Variants in SRBD1 observed in about 807,000 individuals in gnomAD.
The protein encoded by SRBD1 is S1 RNA binding domain 1.
In SRBD1, 88 loss-of-function variants were observed where a neutral mutation model predicts 115.3. The observed-to-expected ratio is 0.76, with a 90% confidence interval of 0.64 to 0.91. The LOEUF (loss-of-function observed/expected upper bound fraction) is 0.91, where lower values mean the gene tolerates loss of function less well. Among genes scored for constraint, SRBD1 ranks in the 40% least tolerant of loss-of-function variants. SRBD1 has a pLI of 0.00. For missense variants in SRBD1, 1,385 were observed against 1,177.4 expected, an observed-to-expected ratio of 1.18 and a Z score of -2.58; for synonymous variants, 509 against 407.7, an observed-to-expected ratio of 1.25 and a Z score of -2.99.
chr2:45,416,761 T>A (rs557542348), intron 18 of SRBD1, among the ~76,000 whole-genome samples: 4 of 152,110 alleles, frequency 2.6e-5, no homozygotes, highest in African/African-American at 9.6e-5. Context: ...ATACTGTGAG[T>A]TTTTTGGTGT....
rs1673294874 is a variant in SRBD1, at chr2:45,579,905, G to C, written c.1042C>G (p.Leu348Val). The C allele has an allele frequency of 1.2e-6, 2 of 1,607,960 alleles. No individual in the cohort carries two copies. The highest frequency in any genetic ancestry group is 3.4e-5 in the Admixed American group (2 of 58,796). ...ALLEKPGELS[L>V]LSYIRPDVKG... ...ACGTCAGGCCTAATGTACGATAGCA[G>C]ACTGAGCTCCCCTGGTTTCTCAAGC... Residue 348 changes from leucine (L) to valine (V), a missense_variant, in exon 7 of 21, where the codon CTG becomes GTG. Coordinates refer to ENST00000263736, the MANE Select transcript of SRBD1 (RefSeq NM_018079.5).
rs1164092915 is a variant in SRBD1, at chr2:45,420,070, C to G, written c.2050-176G>C. Among the ~76,000 whole-genome samples the G allele has an allele frequency of 2.1e-5, 3 of 145,858 alleles. No individual in the cohort carries two copies. The East Asian group carries it at 5.9e-4, about 29-fold the overall frequency. On this transcript the variant is annotated intron_variant, in intron 16 of 20. Transcript: ENST00000263736. ...AAGTCAAGGCATCTGTGGCTTCTTA[C>G]TCTTTTAAGCTATGCATATATACCT...
Position 45,418,465 on chromosome 2 carries a change from G to C in SRBD1, c.2233C>G (p.Arg745Gly), listed in dbSNP as rs753237366. The C allele has an allele frequency of 1.2e-6, 2 of 1,613,758 alleles. No individual in the cohort carries two copies. Among genetic ancestry groups the C allele is most frequent in the South Asian group, 1.1e-5 (1 of 91,050 alleles). The stretch of plus-strand genomic sequence containing the variant: ...CCTTTCACTTTCTTCAGCTGTTCTC[G>C]GTTGATAAAGGGTCCATTTTTCTCT... The part of the protein sequence containing the change: ...WREKNGPFIN[R>G]EQLKKVKGLG... Residue 745 changes from arginine to glycine, a missense_variant, in exon 18 of 21, where the codon CGA becomes GGA. Physicochemically the swap from Arg to Gly is moderately radical, Grantham distance 125. Coordinates refer to ENST00000263736, the MANE Select transcript of SRBD1 (RefSeq NM_018079.5).
chr2:45,427,123 C>T (rs1487764500), intron 16 of SRBD1, among the ~76,000 whole-genome samples: 1 of 152,108 alleles, frequency 6.6e-6, no homozygotes, highest in Non-Finnish European at 1.5e-5. Context: ...AGAGGAATTG[C>T]TAACTAAAGG....
At chr2:45,389,718 G>A in intron 20 of SRBD1, 119 bp from the exon 21 acceptor site, 1 of 1,034,936 alleles carries the variant, frequency 9.7e-7, no homozygotes, top group Non-Finnish European at 1.4e-6. Flanking sequence ...GATTAAGGGG[G>A]GATTATAAAA....
At chr2:45,401,603 T>C (rs868342660) in intron 19 of SRBD1, among the ~76,000 whole-genome samples, 3 of 152,230 alleles carry the variant, frequency 2.0e-5, no homozygotes, top group Admixed American at 6.6e-5. Context: ...GCATTTGCAG[T>C]TGGATTTCTT....
chr2:45,463,478 T>C (rs7580598), intron 16 of SRBD1, among the ~76,000 whole-genome samples: 1 of 152,164 alleles, frequency 6.6e-6, no homozygotes, highest in Non-Finnish European at 1.5e-5. Context: ...ATAGCAAGTA[T>C]CAGATATTCA....
At chr2:45,496,106 G>A (rs1017993654) in intron 14 of SRBD1, among the ~76,000 whole-genome samples, 1 of 152,174 alleles carries the variant, frequency 6.6e-6, no homozygotes, top group Non-Finnish European at 1.5e-5. Context: ...AGAGAATTGT[G>A]AAGTTTGCTT....
At chr2:45,391,912 C>A (rs1429011696) in intron 20 of SRBD1, among the ~76,000 whole-genome samples, 1 of 152,148 alleles carries the variant, frequency 6.6e-6, no homozygotes, top group Non-Finnish European at 1.5e-5. Context: ...GCCATACCAC[C>A]TCCAAATCCA....
chr2:45,422,079 A>G (rs1054893399), intron 16 of SRBD1, among the ~76,000 whole-genome samples: 1 of 152,190 alleles, frequency 6.6e-6, no homozygotes, highest in Non-Finnish European at 1.5e-5. Flanking sequence ...AGGCAAGCAC[A>G]ATGATAGCAA....
intron 16 of SRBD1, among the ~76,000 whole-genome samples, chr2:45,426,416 G>C (rs1668157163): frequency 6.6e-6 from 1 of 152,172 alleles, no homozygotes; most frequent in African/African-American, 2.4e-5. Flanking sequence ...CGTGGCTGTG[G>C]GCGCAGCTTC....
chr2:45,446,185 C>G (rs1668819137), intron 16 of SRBD1, among the ~76,000 whole-genome samples: 1 of 152,154 alleles, frequency 6.6e-6, no homozygotes, highest in Non-Finnish European at 1.5e-5. Flanking sequence ...AAGACTGATT[C>G]CCAGCAGGTT....
intron 14 of SRBD1, among the ~76,000 whole-genome samples, chr2:45,543,062 C>G (rs1348561839): frequency 6.6e-6 from 1 of 152,196 alleles, no homozygotes; most frequent in Non-Finnish European, 1.5e-5. Context: ...GCAAACCATT[C>G]TAGCATATAC....
intron 6 of SRBD1, among the ~76,000 whole-genome samples, chr2:45,580,482 A>G (rs1347615359): frequency 6.8e-6 from 1 of 146,114 alleles, no homozygotes; most frequent in Non-Finnish European, 1.5e-5. Context: ...GGTAGCTGGG[A>G]CTACAGGAGC....
rs1321027452 is a variant in SRBD1 at position 45,553,697 on chromosome 2, T to C, written c.1443A>G (p.Leu481=). 6.2e-7 allele frequency: 1 copy of C among 1,607,744 alleles called. No individual in the cohort carries two copies. Among genetic ancestry groups the C allele is most frequent in the Non-Finnish European group, 8.5e-7 (1 of 1,177,182 alleles). ...WRPRSFARPE[L]MKILYNSLND... Reference sequence around the variant, plus strand: ...TCAGTGAATTATATAAGATCTTCATTAACTCTGGCCTTGCAAAGCTACGTG... The same window carrying C: ...TCAGTGAATTATATAAGATCTTCATCAACTCTGGCCTTGCAAAGCTACGTG... Residue 481 remains leucine, a synonymous_variant, in exon 11 of 21, where the codon TTA becomes TTG. Transcript: ENST00000263736.
chr2:45,591,165 T>C (rs1673712382), intron 4 of SRBD1, among the ~76,000 whole-genome samples: 1 of 152,182 alleles, frequency 6.6e-6, no homozygotes, highest in African/African-American at 2.4e-5. Flanking sequence ...AACATTCCCA[T>C]TGTAAAACCT....
chr2:45,571,223 T>A (rs1450687829), intron 9 of SRBD1, among the ~76,000 whole-genome samples: 1 of 151,998 alleles, frequency 6.6e-6, no homozygotes, highest in African/African-American at 2.4e-5. Context: ...ATCTGCAAAG[T>A]CTGGGAGAGT....
In SRBD1 at chr2:45,389,175, A is replaced by C. The variant is rs1203655405; in HGVS notation, c.*135T>G. On this transcript the variant is annotated 3_prime_UTR_variant, in exon 21 of 21. Transcript: ENST00000263736. Reference sequence around the variant, plus strand: ...TTTATTCAGAAGAAAAAATAAAGGAAAGTGTTTGGAAAATATTTCTGATAT... The same window carrying C: ...TTTATTCAGAAGAAAAAATAAAGGACAGTGTTTGGAAAATATTTCTGATAT... 7 of 1,071,742 alleles carry C rather than the reference A, an allele frequency of 6.5e-6. No homozygotes were observed. Among genetic ancestry groups the C allele is most frequent in the African/African-American group, 6.4e-5 (4 of 62,502 alleles). 66.4% of individuals were successfully genotyped at this position (1,071,742 alleles called of 1,614,324 possible).
At chr2:45,443,713 G>A (rs1397780338) in intron 16 of SRBD1, among the ~76,000 whole-genome samples, 2 of 149,332 alleles carry the variant, frequency 1.3e-5, no homozygotes, top group Non-Finnish European at 3.0e-5. Context: ...GAATAAAGTG[G>A]AAATGTGTAT....
Sources: allele counts gnomAD v4.1 joint callset (sites outside exome capture counted in the v4.1 genomes callset), GRCh38; gene constraint gnomAD v4.1.1; transcripts MANE v1.5; gene names NCBI Gene and HGNC (gene_info 2026-07-23, HGNC 2026-07-21).